The following NIBAN1 variants were observed in gnomAD, a reference collection of about 807,000 sequenced individuals.
NIBAN1 encodes the protein niban apoptosis regulator 1.
In NIBAN1, 81 loss-of-function variants were observed where a neutral mutation model predicts 75.1. That is an observed-to-expected ratio of 1.08 (90% CI 0.90 to 1.30). The LOEUF is 1.30. Among genes scored for constraint, NIBAN1 ranks in the 50% most tolerant of loss-of-function variants. The pLI, the probability that NIBAN1 is intolerant of heterozygous loss-of-function variation, is 0.00. For synonymous variants in NIBAN1, 436 were observed against 424.8 expected (o/e 1.03, Z -0.32); for missense variants, 1,133 against 1,128.1 (o/e 1.00, Z -0.06).
intron 9 of NIBAN1, 96 bp from the exon 10 acceptor site, chr1:184,808,331 C>T: frequency 7.8e-7 from 1 of 1,280,984 alleles, no homozygotes; most frequent in Non-Finnish European, 1.1e-6. Context: ...CAATCAAATG[C>T]AAGTTGTTAA....
intron 1 of NIBAN1, among the ~76,000 whole-genome samples, chr1:184,961,928 C>T (rs939676953): frequency 6.6e-6 from 1 of 152,164 alleles, no homozygotes; most frequent in Admixed American, 6.5e-5. Flanking sequence ...GCATAAGAGA[C>T]CTGGGCCACA....
intron 1 of NIBAN1, among the ~76,000 whole-genome samples, chr1:184,900,746 T>C (rs1168214676): frequency 6.6e-6 from 1 of 152,140 alleles, no homozygotes; most frequent in Non-Finnish European, 1.5e-5. Flanking sequence ...CCTTACAACA[T>C]TTCAACTACT....
intron 5 of NIBAN1, among the ~76,000 whole-genome samples, chr1:184,875,614 C>T (rs893006540): frequency 1.3e-5 from 2 of 152,166 alleles, no homozygotes; most frequent in African/African-American, 2.4e-5. Flanking sequence ...CTGCCACAGG[C>T]TGTTCATAAG....
At chr1:184,922,285 A>G (rs1657574824) in intron 1 of NIBAN1, among the ~76,000 whole-genome samples, 1 of 152,158 alleles carries the variant, frequency 6.6e-6, no homozygotes. Flanking sequence ...TAAATGTACA[A>G]TAAATTATTG....
chr1:184,811,611 C>T (rs1281131699), intron 9 of NIBAN1, among the ~76,000 whole-genome samples: 1 of 147,044 alleles, frequency 6.8e-6, no homozygotes, highest in Non-Finnish European at 1.5e-5. Flanking sequence ...TCATGCCATT[C>T]TCTTGCCTCA....
intron 12 of NIBAN1, among the ~76,000 whole-genome samples, chr1:184,800,981 C>G (rs957661106): frequency 6.6e-6 from 1 of 152,196 alleles, no homozygotes; most frequent in Non-Finnish European, 1.5e-5. Context: ...ACTCTCTCTC[C>G]TTTCCAAGGG....
intron 5 of NIBAN1, chr1:184,868,213 C>T (rs1007692116): frequency 4.4e-6 from 1 of 226,406 alleles, no homozygotes; most frequent in Admixed American, 6.5e-5. Context: ...ACGTTGTTGA[C>T]TTGCAATATG....
intron 11 of NIBAN1, among the ~76,000 whole-genome samples, chr1:184,805,218 A>G (rs896540992): frequency 6.6e-6 from 1 of 152,202 alleles, no homozygotes. Flanking sequence ...TTCCAAGGCA[A>G]TGTTTAGGGG....
Position 184,794,163 on chromosome 1 carries a change from T to C in NIBAN1, c.*814A>G, listed in dbSNP as rs1350486628. 2 of 152,262 alleles carry C rather than the reference T, an allele frequency of 1.3e-5. No homozygotes were observed. Among genetic ancestry groups the C allele is most frequent in the African/African-American group, 4.8e-5 (2 of 41,444 alleles). 9.4% of individuals were successfully genotyped at this position (152,262 alleles called of 1,614,324 possible). A position where few individuals can be genotyped will look rare whatever the true frequency, so the allele number is the denominator to read the frequency against. Reference sequence around the variant, plus strand: ...TGGCATGCAGTAACTGTTCAAATAATGTTTGTTTAATTGACGGGTTTTAAG... The same window carrying C: ...TGGCATGCAGTAACTGTTCAAATAACGTTTGTTTAATTGACGGGTTTTAAG... On this transcript the variant is annotated 3_prime_UTR_variant, in exon 14 of 14. Coordinates refer to ENST00000367511, the MANE Select transcript of NIBAN1 (RefSeq NM_052966.4).
intron 1 of NIBAN1, among the ~76,000 whole-genome samples, chr1:184,914,206 G>A (rs527860525): frequency 6.6e-6 from 1 of 152,282 alleles, no homozygotes; most frequent in East Asian, 1.9e-4. Flanking sequence ...GTTCCACTAC[G>A]TATTAATTAT....
At chr1:184,942,521 G>T (rs1033217065) in intron 1 of NIBAN1, among the ~76,000 whole-genome samples, 2 of 151,988 alleles carry the variant, frequency 1.3e-5, no homozygotes, top group Non-Finnish European at 2.9e-5. Context: ...GTGAAACCCC[G>T]TCTCTACTAA....
intron 5 of NIBAN1, among the ~76,000 whole-genome samples, chr1:184,864,486 T>C (rs1196338170): frequency 6.6e-6 from 1 of 152,146 alleles, no homozygotes; most frequent in Non-Finnish European, 1.5e-5. Context: ...AGCTGTTATC[T>C]TCCCTGACAT....
At chr1:184,965,162 G>T (rs1658748497) in intron 1 of NIBAN1, among the ~76,000 whole-genome samples, 1 of 152,062 alleles carries the variant, frequency 6.6e-6, no homozygotes, top group African/African-American at 2.4e-5. Flanking sequence ...AGCCAGGTGT[G>T]GTGGTGGGCG....
At chr1:184,955,992 C>G (rs1421710037) in intron 1 of NIBAN1, among the ~76,000 whole-genome samples, 1 of 151,490 alleles carries the variant, frequency 6.6e-6, no homozygotes, top group Non-Finnish European at 1.5e-5. Flanking sequence ...AATCATGAAG[C>G]CACTAGCCAT....
At chr1:184,895,456 A>G (rs1463527499) in intron 2 of NIBAN1, among the ~76,000 whole-genome samples, 3 of 152,204 alleles carry the variant, frequency 2.0e-5, no homozygotes, top group Non-Finnish European at 4.4e-5. Flanking sequence ...AGGGAAAGCA[A>G]TCACTTATCC....
intron 8 of NIBAN1, 37 bp downstream of exon 8, chr1:184,823,130 T>C: frequency 6.2e-7 from 1 of 1,605,638 alleles, no homozygotes; most frequent in South Asian, 1.1e-5. Flanking sequence ...ATGTACAGCT[T>C]ATTTAATTAG....
At chr1:184,888,949 TTG>T (rs1181292130) in intron 4 of NIBAN1, among the ~76,000 whole-genome samples, 4 of 152,394 alleles carry the variant, frequency 2.6e-5, no homozygotes, top group Admixed American at 2.0e-4. Context: ...AATCCTGTAA[TTG>T]TGTTATTAAA....
At chr1:184,808,602 CA>C (rs550730716) in intron 9 of NIBAN1, among the ~76,000 whole-genome samples, 74 of 152,078 alleles carry the variant, frequency 4.9e-4, no homozygotes, top group African/African-American at 1.7e-3. Context: ...CCCAGGCTTC[CA>C]AAATCTTCTT....
rs12057886 is a variant in NIBAN1, at chr1:184,840,711, A to G, written c.602-8749T>C. Among the ~76,000 whole-genome samples the G allele has an allele frequency of 5.6e-4, 85 of 151,082 alleles. 1 individual carries two copies. Among genetic ancestry groups the G allele is most frequent in the African/African-American group, 2.0e-3 (83 of 41,092 alleles). On this transcript the variant is annotated intron_variant, in intron 5 of 13. Transcript: ENST00000367511. ...AACCTCATTTCCTTCAGATAGACATACTAGATTGGTAGATTAGAAGGCTGT... is the reference window on the plus strand; with the variant it reads ...AACCTCATTTCCTTCAGATAGACATGCTAGATTGGTAGATTAGAAGGCTGT...
Sources: allele counts gnomAD v4.1 joint callset (sites outside exome capture counted in the v4.1 genomes callset), GRCh38; gene constraint gnomAD v4.1.1; transcripts MANE v1.5; gene names NCBI Gene and HGNC (gene_info 2026-07-23, HGNC 2026-07-21).